RYR2: variants seen among roughly 807,000 people sequenced by gnomAD.
RYR2 encodes the protein cardiac muscle ryanodine receptor-calcium release channel.
In RYR2, 227 loss-of-function variants were observed where a neutral mutation model predicts 601.1. The ratio of observed to expected loss-of-function variants is 0.38; its 90% CI spans 0.34 to 0.42. The LOEUF (loss-of-function observed/expected upper bound fraction) is 0.42, where lower values mean the gene tolerates loss of function less well. RYR2 is among the 10% of genes least tolerant of loss of function. The pLI is 1.00. For synonymous variants in RYR2, 2,223 were observed against 2,175.1 expected, an observed-to-expected ratio of 1.02 and a Z score of -0.61; for missense variants, 4,646 against 6,156.5, an observed-to-expected ratio of 0.75 and a Z score of 8.21.
At chr1:237,736,411 G>A (rs1691149985) in intron 79 of RYR2, among the ~76,000 whole-genome samples, 2 of 149,622 alleles carry the variant, frequency 1.3e-5, no homozygotes, top group East Asian at 2.0e-4. Context: ...GCAGTGAGCC[G>A]TGATTGCACC....
At chr1:237,643,985 A>G (rs1204135200) in intron 48 of RYR2, among the ~76,000 whole-genome samples, 2 of 152,126 alleles carry the variant, frequency 1.3e-5, no homozygotes, top group Admixed American at 6.5e-5. Flanking sequence ...TTTCTTTTAT[A>G]TGACATTTCA....
At chr1:237,684,115 T>C (rs992714068) in intron 62 of RYR2, among the ~76,000 whole-genome samples, 2 of 151,772 alleles carry the variant, frequency 1.3e-5, no homozygotes, top group African/African-American at 4.8e-5. Flanking sequence ...TTATTATTTT[T>C]AGTAGAGATA....
rs76740893 is a variant in RYR2, at chr1:237,615,189, C to T, written c.5715+346C>T. ...CAAGGTTTTACTTTCCCCTAGTATG[C>T]TTTTGTTTTGTTCTTTTGAGACAGG... On this transcript the variant is annotated intron_variant, in intron 37 of 104. Coordinates refer to ENST00000366574, the MANE Select transcript of RYR2 (RefSeq NM_001035.3). Among the ~76,000 whole-genome samples the T allele has an allele frequency of 6.5e-4, 99 of 152,096 alleles. 1 individual carries two copies. Among genetic ancestry groups the T allele is most frequent in the African/African-American group, 2.2e-3 (93 of 41,510 alleles).
At chr1:237,369,208 C>A (rs1338822156) in intron 5 of RYR2, among the ~76,000 whole-genome samples, 1 of 152,070 alleles carries the variant, frequency 6.6e-6, no homozygotes, top group African/African-American at 2.4e-5. Context: ...TACCATGGTT[C>A]CCACCCAGTG....
intron 2 of RYR2, among the ~76,000 whole-genome samples, chr1:237,298,623 T>C (rs936946797): frequency 6.6e-6 from 1 of 152,190 alleles, no homozygotes; most frequent in Non-Finnish European, 1.5e-5. Flanking sequence ...CCAGTACCAC[T>C]GTAGCAACAT....
intron 91 of RYR2, among the ~76,000 whole-genome samples, chr1:237,787,409 G>A (rs573664639): frequency 4.6e-5 from 7 of 151,846 alleles, no homozygotes; most frequent in South Asian, 2.1e-4. Flanking sequence ...CCAACATGGC[G>A]AAACCCCATC....
intron 1 of RYR2, among the ~76,000 whole-genome samples, chr1:237,090,790 A>G (rs1373926884): frequency 6.6e-6 from 1 of 152,234 alleles, no homozygotes; most frequent in East Asian, 1.9e-4. Flanking sequence ...CTTCAGTTGC[A>G]GAAAATTCAC....
intron 79 of RYR2, among the ~76,000 whole-genome samples, chr1:237,734,287 G>A (rs1266807048): frequency 6.6e-6 from 1 of 152,102 alleles, no homozygotes; most frequent in African/African-American, 2.4e-5. Context: ...CATCTTACAT[G>A]GCGGCAAGAG....
intron 80 of RYR2, among the ~76,000 whole-genome samples, chr1:237,752,917 A>G (rs371523511): frequency 6.6e-6 from 1 of 152,314 alleles, no homozygotes; most frequent in African/African-American, 2.4e-5. Context: ...ACTTGCTACC[A>G]CCTACAGTTT....
intron 3 of RYR2, among the ~76,000 whole-genome samples, chr1:237,332,409 C>A (rs984179541): frequency 6.6e-6 from 1 of 152,002 alleles, no homozygotes; most frequent in African/African-American, 2.4e-5. Context: ...TTTTTGTTTA[C>A]AACAAAGTTT....
intron 95 of RYR2, among the ~76,000 whole-genome samples, chr1:237,794,342 T>G (rs945909292): frequency 2.6e-5 from 4 of 152,166 alleles, no homozygotes; most frequent in Non-Finnish European, 5.9e-5. Flanking sequence ...GCAAAAATTA[T>G]TCATTAACGA....
chr1:237,531,462 A>G (rs556993126), intron 25 of RYR2, among the ~76,000 whole-genome samples: 48 of 152,148 alleles, frequency 3.2e-4, no homozygotes, highest in Non-Finnish European at 5.1e-4. Context: ...TGCTTTTCTG[A>G]TGTGCAGGAC....
rs545670112 is a variant in RYR2 at position 237,465,314 on chromosome 1, A to G, written c.1613-3778A>G. On this transcript the variant is annotated intron_variant, in intron 16 of 104. Transcript: ENST00000366574. ...TAATGTATTGCTAAATTTGATTTAT[A>G]AATACTAAATTTATATTGCTAAATT... 7.9e-5 allele frequency among the ~76,000 whole-genome samples: 12 copies of G among 152,328 alleles called. 1 individual carries two copies. The South Asian group carries it at 2.5e-3, about 32-fold the overall frequency.
At chr1:237,244,477 G>C (rs973388661) in intron 1 of RYR2, among the ~76,000 whole-genome samples, 18 of 152,094 alleles carry the variant, frequency 1.2e-4, no homozygotes, top group Admixed American at 1.2e-3. Flanking sequence ...GGTGTCCTTA[G>C]AGTGGAAAGT....
At chr1:237,497,120 A>C (rs1292816589) in intron 20 of RYR2, among the ~76,000 whole-genome samples, 1 of 152,190 alleles carries the variant, frequency 6.6e-6, no homozygotes, top group Non-Finnish European at 1.5e-5. Flanking sequence ...GGTATGTTTA[A>C]AGCTTTAGTT....
intron 101 of RYR2, among the ~76,000 whole-genome samples, chr1:237,826,867 G>A (rs1663147727): frequency 6.6e-6 from 1 of 152,102 alleles, no homozygotes. Flanking sequence ...TGGCCAAAGT[G>A]CACAGCTAAA....
At chr1:237,394,913 G>A (rs574914894) in intron 10 of RYR2, among the ~76,000 whole-genome samples, 1 of 152,290 alleles carries the variant, frequency 6.6e-6, no homozygotes, top group African/African-American at 2.4e-5. Flanking sequence ...CATGGCAGAA[G>A]GCGAATGGGA....
chr1:237,210,099 G>A (rs7524125), intron 1 of RYR2, among the ~76,000 whole-genome samples: 49,871 of 151,814 alleles, frequency 0.33, 8,694 homozygotes, highest in East Asian at 0.55. Context: ...TCATTTTTCT[G>A]TGTATCTGCA....
At chr1:237,569,043 G>T (rs889534906) in intron 28 of RYR2, 102 bp from the exon 29 acceptor site, 2 of 957,224 alleles carry the variant, frequency 2.1e-6, no homozygotes, top group Non-Finnish European at 3.0e-6. Flanking sequence ...TCCTACTGTT[G>T]TGTTGATAGA....
Sources: allele counts gnomAD v4.1 joint callset (sites outside exome capture counted in the v4.1 genomes callset), GRCh38; gene constraint gnomAD v4.1.1; transcripts MANE v1.5; gene names NCBI Gene and HGNC (gene_info 2026-07-23, HGNC 2026-07-21).